SCFD2: variants seen among roughly 807,000 people sequenced by gnomAD.
SCFD2 encodes sec1 family domain-containing protein 2.
In SCFD2, 54 loss-of-function variants were observed where a neutral mutation model predicts 58.9. The ratio of observed to expected loss-of-function variants is 0.92; its 90% CI spans 0.74 to 1.15. The LOEUF (loss-of-function observed/expected upper bound fraction) is 1.15, where lower values mean the gene tolerates loss of function less well. Among genes scored for constraint, SCFD2 ranks in the 50% most tolerant of loss-of-function variants. SCFD2 has a pLI of 0.00. For synonymous variants in SCFD2, 321 were observed against 335.9 expected (o/e 0.96, Z 0.49); for missense variants, 805 against 836.6 (o/e 0.96, Z 0.47).
chr4:52,925,029 A>C (rs1719830165), intron 5 of SCFD2, among the ~76,000 whole-genome samples: 1 of 152,188 alleles, frequency 6.6e-6, no homozygotes, highest in Non-Finnish European at 1.5e-5. Flanking sequence ...TATTCTAAGA[A>C]GTTTATACAT....
At chr4:53,260,065 T>G (rs1170814187) in intron 4 of SCFD2, among the ~76,000 whole-genome samples, 1 of 152,132 alleles carries the variant, frequency 6.6e-6, no homozygotes, top group African/African-American at 2.4e-5. Flanking sequence ...TATAGATTTG[T>G]GTGCATTAAT....
chr4:53,093,646 T>G (rs1386412497), intron 5 of SCFD2, among the ~76,000 whole-genome samples: 1 of 152,052 alleles, frequency 6.6e-6, no homozygotes, highest in Admixed American at 6.6e-5. Flanking sequence ...CCATAAAAAT[T>G]TAATAGAAAG....
intron 4 of SCFD2, among the ~76,000 whole-genome samples, chr4:53,220,466 C>T (rs770107379): frequency 2.0e-5 from 3 of 152,142 alleles, no homozygotes; most frequent in East Asian, 1.9e-4. Context: ...ATAATAGGTA[C>T]CCAATAATTA....
At chr4:53,144,077 A>G (rs1726246749) in intron 5 of SCFD2, among the ~76,000 whole-genome samples, 1 of 152,144 alleles carries the variant, frequency 6.6e-6, no homozygotes, top group Non-Finnish European at 1.5e-5. Flanking sequence ...AAATTAGCAG[A>G]ACCTACTTTA....
At chr4:52,992,157 C>T (rs947780713) in intron 5 of SCFD2, among the ~76,000 whole-genome samples, 1 of 152,268 alleles carries the variant, frequency 6.6e-6, no homozygotes, top group Middle Eastern at 3.4e-3. Context: ...CTGTCGAGTG[C>T]CTGGGATTGC....
chr4:53,332,881 A>C (rs1039084631), intron 2 of SCFD2, among the ~76,000 whole-genome samples: 1 of 151,370 alleles, frequency 6.6e-6, no homozygotes, highest in African/African-American at 2.4e-5. Flanking sequence ...CCTTAAGCTG[A>C]TAAGCAACTT....
intron 2 of SCFD2, among the ~76,000 whole-genome samples, chr4:53,335,259 G>C (rs1363766592): frequency 1.6e-4 from 24 of 149,594 alleles, no homozygotes; most frequent in African/African-American, 4.9e-4. Context: ...TCACTTCTGT[G>C]ATATTCCTGC....
chr4:52,891,298 C>T (rs1392473066), intron 7 of SCFD2, among the ~76,000 whole-genome samples: 1 of 152,146 alleles, frequency 6.6e-6, no homozygotes, highest in African/African-American at 2.4e-5. Context: ...CCCCTGCTGT[C>T]ACAGAGCTTA....
intron 5 of SCFD2, among the ~76,000 whole-genome samples, chr4:53,104,037 G>A (rs4629518): frequency 6.6e-6 from 1 of 151,840 alleles, no homozygotes; most frequent in African/African-American, 2.4e-5. Context: ...TTGTGCAGAA[G>A]AATTCCTAAT....
At chr4:53,307,508 A>G (rs919334226) in intron 3 of SCFD2, among the ~76,000 whole-genome samples, 14 of 152,198 alleles carry the variant, frequency 9.2e-5, no homozygotes, top group African/African-American at 3.4e-4. Context: ...GTAACCCATC[A>G]GTGAGGACCC....
At chr4:53,308,532 A>G (rs1350695461) in intron 3 of SCFD2, among the ~76,000 whole-genome samples, 4 of 152,124 alleles carry the variant, frequency 2.6e-5, no homozygotes, top group African/African-American at 9.7e-5. Flanking sequence ...CATAACAAAG[A>G]GATTTGCATG....
chr4:53,328,018 C>T (rs1459165444), intron 2 of SCFD2, among the ~76,000 whole-genome samples: 2 of 151,944 alleles, frequency 1.3e-5, no homozygotes, highest in Non-Finnish European at 2.9e-5. Flanking sequence ...GCCTGTAGTC[C>T]CAGCTACTCG....
At chr4:53,111,685 T>G (rs1234760025) in intron 5 of SCFD2, among the ~76,000 whole-genome samples, 2 of 152,148 alleles carry the variant, frequency 1.3e-5, no homozygotes, top group Non-Finnish European at 2.9e-5. Flanking sequence ...TTGCTAATTT[T>G]ACCATTTAAC....
chr4:53,057,020 T>TA (rs1249603332), intron 5 of SCFD2, among the ~76,000 whole-genome samples: 3 of 151,882 alleles, frequency 2.0e-5, no homozygotes, highest in Non-Finnish European at 4.4e-5. Flanking sequence ...CCGTCTCTAA[T>TA]AAAAAAATAC....
chr4:53,103,237 G>T (rs1361096143), intron 5 of SCFD2, among the ~76,000 whole-genome samples: 1 of 152,046 alleles, frequency 6.6e-6, no homozygotes, highest in East Asian at 1.9e-4. Flanking sequence ...TTAGCAAAGG[G>T]CTCTGGATAT....
intron 5 of SCFD2, among the ~76,000 whole-genome samples, chr4:53,101,402 A>C (rs900528214): frequency 6.6e-6 from 1 of 152,214 alleles, no homozygotes; most frequent in Non-Finnish European, 1.5e-5. Flanking sequence ...AATTCTAGAT[A>C]GTGAAGGGTT....
intron 5 of SCFD2, among the ~76,000 whole-genome samples, chr4:52,940,256 A>G (rs1720257139): frequency 6.6e-6 from 1 of 152,168 alleles, no homozygotes; most frequent in South Asian, 2.1e-4. Flanking sequence ...AGCCCCTTTA[A>G]AACCCAGCCA....
chr4:53,237,702 T>C (rs1442949810), intron 4 of SCFD2, among the ~76,000 whole-genome samples: 6 of 98,714 alleles, frequency 6.1e-5, no homozygotes, highest in Admixed American at 1.0e-4. Context: ...GGCTCCTCAC[T>C]TCCCAGTAGG....
chr4:53,214,728 A>G (rs1728753240), intron 4 of SCFD2, among the ~76,000 whole-genome samples: 1 of 152,156 alleles, frequency 6.6e-6, no homozygotes, highest in Admixed American at 6.5e-5. Flanking sequence ...GTCCTTGCCC[A>G]TGCCTATGCC....
Sources: allele counts gnomAD v4.1 joint callset (sites outside exome capture counted in the v4.1 genomes callset), GRCh38; gene constraint gnomAD v4.1.1; transcripts MANE v1.5; gene names NCBI Gene and HGNC (gene_info 2026-07-23, HGNC 2026-07-21).